MRRF: variants seen among roughly 807,000 people sequenced by gnomAD.
The protein encoded by MRRF is ribosome-recycling factor, mitochondrial.
A neutral mutation model predicts 25.1 loss-of-function variants in MRRF; 18 were observed. That is an observed-to-expected ratio of 0.72 (90% CI 0.50 to 1.06). The LOEUF (loss-of-function observed/expected upper bound fraction) is 1.06. Among genes scored for constraint, MRRF ranks in the 50% least tolerant of loss-of-function variants. MRRF has a pLI of 0.00. For synonymous variants in MRRF, 113 were observed against 112.1 expected (o/e 1.01, Z -0.05); for missense variants, 323 against 319.3 (o/e 1.01, Z -0.09).
Position 122,322,722 on chromosome 9 carries a change from C to T in MRRF, c.*105C>T. ...CCCCCATCTACACAGAAGACTGTCA[C>T]CATGCTGACAGAAGCCTGTCCTTGT... On this transcript the variant is annotated 3_prime_UTR_variant, in exon 7 of 7. Transcript: ENST00000344641. 1 of 994,454 alleles carries T rather than the reference C, an allele frequency of 1.0e-6. No homozygotes were observed. Among genetic ancestry groups the T allele is most frequent in the Non-Finnish European group, 1.6e-6 (1 of 635,200 alleles). The allele number at this position is 994,454 out of a possible 1,614,324, so 61.6% of individuals were successfully genotyped here. A position where few individuals can be genotyped will look rare whatever the true frequency, so the allele number is the denominator to read the frequency against.
At chr9:122,300,682 C>A (rs956518351) in intron 5 of MRRF, among the ~76,000 whole-genome samples, 1 of 152,172 alleles carries the variant, frequency 6.6e-6, no homozygotes, top group African/African-American at 2.4e-5. Context: ...CTCTTCCTCA[C>A]TAACCCCCTT....
intron 4 of MRRF, among the ~76,000 whole-genome samples, chr9:122,288,541 G>C (rs1190691525): frequency 6.6e-6 from 1 of 152,174 alleles, no homozygotes; most frequent in Non-Finnish European, 1.5e-5. Flanking sequence ...TTCACCATTC[G>C]TTTGTTAATT....
rs1444108677 is a variant in MRRF, at chr9:122,322,669, T to C, written c.*52T>C. On this transcript the variant is annotated 3_prime_UTR_variant, in exon 7 of 7. Coordinates refer to ENST00000344641, the MANE Select transcript of MRRF (RefSeq NM_138777.5). ...AGAGCCCAGTTTCTGCTGGATCCCA[T>C]GGGTGGCACATTGGGACTTCTCTCC... The C allele has an allele frequency of 6.5e-7, 1 of 1,527,984 alleles. No individual in the cohort carries two copies. The highest frequency in any genetic ancestry group is 1.4e-5 in the African/African-American group (1 of 73,144). 94.7% of individuals were successfully genotyped at this position (1,527,984 alleles called of 1,614,324 possible).
chr9:122,298,485 A>G (rs1834229654), intron 5 of MRRF, among the ~76,000 whole-genome samples: 1 of 152,164 alleles, frequency 6.6e-6, no homozygotes, highest in Non-Finnish European at 1.5e-5. Context: ...CTACTACCCC[A>G]ATCAACACAG....
rs1208875498 is a variant in MRRF, at chr9:122,325,553, C to T, written c.*2936C>T. ...CACTTGCCAGAAGAATTAACCACCTCTTCTATTCAGTTTAATGACTTTCAA... is the reference window on the plus strand; with the variant it reads ...CACTTGCCAGAAGAATTAACCACCTTTTCTATTCAGTTTAATGACTTTCAA... On this transcript the variant is annotated 3_prime_UTR_variant, in exon 7 of 7. Transcript: ENST00000344641. The T allele has an allele frequency of 1.3e-5, 2 of 151,830 alleles. No individual in the cohort carries two copies. Among genetic ancestry groups the T allele is most frequent in the African/African-American group, 4.8e-5 (2 of 41,282 alleles). The allele number at this position is 151,830 out of a possible 1,614,324, so 9.4% of individuals were successfully genotyped here. A position where few individuals can be genotyped will look rare whatever the true frequency, so the allele number is the denominator to read the frequency against.
chr9:122,266,565 A>G (rs1490726280), intron 1 of MRRF, among the ~76,000 whole-genome samples: 1 of 152,194 alleles, frequency 6.6e-6, no homozygotes, highest in African/African-American at 2.4e-5. Flanking sequence ...ACCAGTTAAG[A>G]TGGTACATGT....
intron 2 of MRRF, among the ~76,000 whole-genome samples, chr9:122,278,030 A>G (rs1285923608): frequency 2.6e-5 from 4 of 151,976 alleles, no homozygotes; most frequent in Non-Finnish European, 5.9e-5. Context: ...TCAAGCTTTT[A>G]TCATTTTTAT....
chr9:122,274,169 A>G, intron 2 of MRRF, among the ~76,000 whole-genome samples: 1 of 152,158 alleles, frequency 6.6e-6, no homozygotes, highest in Non-Finnish European at 1.5e-5. Flanking sequence ...TCCTGACTTT[A>G]TAGGAAACAC....
intron 1 of MRRF, among the ~76,000 whole-genome samples, chr9:122,270,552 T>A (rs965233561): frequency 6.6e-6 from 1 of 152,250 alleles, no homozygotes; most frequent in Non-Finnish European, 1.5e-5. Flanking sequence ...ATTAGCATCA[T>A]TAAAGTTTTA....
intron 5 of MRRF, among the ~76,000 whole-genome samples, chr9:122,298,852 A>G (rs1834255771): frequency 6.6e-6 from 1 of 152,148 alleles, no homozygotes; most frequent in African/African-American, 2.4e-5. Context: ...AGTAAAAGGA[A>G]ATAAAGCATG....
intron 2 of MRRF, 30 bp downstream of exon 2, chr9:122,271,105 C>T (rs1477909548): frequency 1.3e-6 from 2 of 1,585,836 alleles, no homozygotes; most frequent in Non-Finnish European, 8.7e-7. Flanking sequence ...TCTCCTACTT[C>T]ACCCCTTTCT....
At chr9:122,319,150 T>TC (rs200418956) in intron 6 of MRRF, among the ~76,000 whole-genome samples, 2,293 of 139,460 alleles carry the variant, frequency 0.016, 42 homozygotes, top group East Asian at 0.071. Flanking sequence ...TTTCTTTCTT[T>TC]TTTTTTTTTT....
intron 2 of MRRF, among the ~76,000 whole-genome samples, chr9:122,272,410 A>G (rs1294136279): frequency 2.0e-5 from 3 of 152,158 alleles, no homozygotes; most frequent in Non-Finnish European, 4.4e-5. Flanking sequence ...TCACACCTGT[A>G]ATCCCAGCTA....
chr9:122,270,829 T>G, intron 1 of MRRF, 35 bp from the exon 2 acceptor site: 3 of 1,535,854 alleles, frequency 2.0e-6, no homozygotes, highest in Non-Finnish European at 2.7e-6. Flanking sequence ...CTTAGATCTT[T>G]TACTTAGATC....
At chr9:122,320,502 G>A (rs1835831245) in intron 6 of MRRF, among the ~76,000 whole-genome samples, 2 of 152,206 alleles carry the variant, frequency 1.3e-5, no homozygotes, top group African/African-American at 4.8e-5. Context: ...GCCTGCAGGT[G>A]TTGGAGTACT....
At chr9:122,291,655 G>A in intron 4 of MRRF, 94 bp from the exon 5 acceptor site, 1 of 878,300 alleles carries the variant, frequency 1.1e-6, no homozygotes, top group Admixed American at 1.7e-5. Flanking sequence ...ATGTTTCCAT[G>A]TTCTGCCAAG....
At chr9:122,267,574 G>T (rs1255227020) in intron 1 of MRRF, among the ~76,000 whole-genome samples, 1 of 152,070 alleles carries the variant, frequency 6.6e-6, no homozygotes, top group Non-Finnish European at 1.5e-5. Context: ...CCAAGTAACT[G>T]GGACTATAGG....
rs796384008 is a variant in MRRF at position 122,330,289 on chromosome 9, T to C, written c.*7672T>C. On this transcript the variant is annotated 3_prime_UTR_variant, in exon 7 of 7. Coordinates refer to ENST00000344641, the MANE Select transcript of MRRF (RefSeq NM_138777.5). This position sits in a 1 kb window ranked among gnomAD's most constrained non-coding sequence, Gnocchi z 4.2. ...AGAAGGTCTCTGCCCACATCCCACA[T>C]TTGCCGTGCATCCCTGAGTTCCAAA... 3.3e-5 allele frequency: 5 copies of C among 152,474 alleles called. No homozygotes were observed. Among genetic ancestry groups the C allele is most frequent in the African/African-American group, 1.2e-4 (5 of 41,572 alleles). The allele number at this position is 152,474 out of a possible 1,614,324, so 9.4% of individuals were successfully genotyped here.
intron 5 of MRRF, among the ~76,000 whole-genome samples, chr9:122,312,776 G>A (rs934048188): frequency 2.0e-5 from 3 of 152,230 alleles, no homozygotes; most frequent in African/African-American, 7.2e-5. Context: ...CTCTTTTCTT[G>A]TCACTCCTTT....
Sources: allele counts gnomAD v4.1 joint callset (sites outside exome capture counted in the v4.1 genomes callset), GRCh38; gene constraint gnomAD v4.1.1; non-coding constraint Gnocchi (gnomAD v3.1); transcripts MANE v1.5; gene names NCBI Gene and HGNC (gene_info 2026-07-23, HGNC 2026-07-21).